The following EXOC4 variants were observed in gnomAD, a reference collection of about 807,000 sequenced individuals.
EXOC4 encodes the protein exocyst complex component 4, also known as SEC8-like 1.
Under a neutral mutation model 107.2 loss-of-function variants are expected in EXOC4, and 71 were observed. The observed-to-expected ratio is 0.66, with a 90% CI of 0.55 to 0.81. The LOEUF (loss-of-function observed/expected upper bound fraction) is 0.81. Among genes scored for constraint, EXOC4 ranks in the 30% least tolerant of loss-of-function variants. The probability of loss-of-function intolerance (pLI) is 0.00; values close to 1 mark genes in which losing one functional copy is unlikely to be tolerated. For missense variants in EXOC4, 1,108 were observed against 1,189.6 expected, an observed-to-expected ratio of 0.93 and a Z score of 1.01; for synonymous variants, 456 against 441.2, an observed-to-expected ratio of 1.03 and a Z score of -0.42.
chr7:133,856,837 G>A (rs959430033), intron 11 of EXOC4, among the ~76,000 whole-genome samples: 12 of 151,676 alleles, frequency 7.9e-5, no homozygotes, highest in Non-Finnish European at 1.6e-4. Flanking sequence ...ACTAAAGGCC[G>A]GGTGTGTTAG....
intron 9 of EXOC4, among the ~76,000 whole-genome samples, chr7:133,621,327 G>T (rs368711259): frequency 6.6e-6 from 1 of 151,994 alleles, no homozygotes; most frequent in Non-Finnish European, 1.5e-5. Flanking sequence ...GATTATTGTA[G>T]AATTCATTGT....
intron 5 of EXOC4, among the ~76,000 whole-genome samples, chr7:133,331,078 T>A (rs148959431): frequency 7.7e-4 from 117 of 152,298 alleles, no homozygotes; most frequent in African/African-American, 2.6e-3. Flanking sequence ...TCATTAAATT[T>A]AAGTGCGATC....
chr7:133,517,223 A>T (rs1387331914), intron 9 of EXOC4, among the ~76,000 whole-genome samples: 1 of 152,024 alleles, frequency 6.6e-6, no homozygotes, highest in Admixed American at 6.6e-5. Context: ...GGGAAGGAGG[A>T]TTAGTTATGG....
At chr7:133,983,350 T>C (rs1448789701) in intron 14 of EXOC4, among the ~76,000 whole-genome samples, 1 of 152,128 alleles carries the variant, frequency 6.6e-6, no homozygotes, top group African/African-American at 2.4e-5. Flanking sequence ...TCAACTTAGA[T>C]CCAAATTTAT....
chr7:133,930,606 G>A (rs1800154943), intron 13 of EXOC4: 2 of 151,838 alleles, frequency 1.3e-5, no homozygotes, highest in Non-Finnish European at 2.9e-5. Flanking sequence ...TACAAAACGT[G>A]GAGAAACCCT....
chr7:133,576,472 G>T (rs1420867196), intron 9 of EXOC4: 3 of 1,273,790 alleles, frequency 2.4e-6, no homozygotes, highest in Non-Finnish European at 3.1e-6. Context: ...TTTATAGAGG[G>T]CATCTGTCGG....
intron 17 of EXOC4, 148 bp from the exon 18 acceptor site, chr7:134,064,143 T>A (rs1007775206): frequency 2.2e-6 from 1 of 444,700 alleles, no homozygotes; most frequent in African/African-American, 2.0e-5. Context: ...TCCTGTTCTT[T>A]ATTCTGTTGG....
chr7:133,728,419 G>T (rs1170055780), intron 10 of EXOC4, among the ~76,000 whole-genome samples: 1 of 152,148 alleles, frequency 6.6e-6, no homozygotes, highest in East Asian at 1.9e-4. Flanking sequence ...TTTTATTTCA[G>T]AACTGTAGAT....
At chr7:133,512,962 G>A (rs1008558290) in intron 9 of EXOC4, among the ~76,000 whole-genome samples, 8 of 152,002 alleles carry the variant, frequency 5.3e-5, no homozygotes, top group African/African-American at 1.2e-4. Context: ...AAAACTAGCC[G>A]GGCCTGGTGG....
In EXOC4 at chr7:133,662,714, A is replaced by G. The variant is rs13237330; in HGVS notation, c.1514+32573A>G. On this transcript the variant is annotated intron_variant, in intron 10 of 17. Transcript: ENST00000253861. ...TAAAATAAACAAATATGTGTATAAA[A>G]CAAGAAAAAAAAAGTGTGGGATAGT... Among the ~76,000 whole-genome samples the G allele has an allele frequency of 5.9e-5, 9 of 152,256 alleles. No homozygotes were observed. The South Asian group carries it at 8.3e-4, about 14-fold the overall frequency.
chr7:134,036,944 G>A (rs6978383), intron 17 of EXOC4, among the ~76,000 whole-genome samples: 77,523 of 151,968 alleles, frequency 0.51, 20,759 homozygotes, highest in African/African-American at 0.66. Flanking sequence ...AAATGAAACT[G>A]CAAGTAAAAT....
intron 9 of EXOC4, among the ~76,000 whole-genome samples, chr7:133,570,198 T>G (rs1223789753): frequency 1.3e-5 from 2 of 152,208 alleles, no homozygotes; most frequent in African/African-American, 4.8e-5. Context: ...CTCATGCATT[T>G]AGAGCCTCTG....
chr7:133,472,252 G>T (rs938332517), intron 7 of EXOC4, among the ~76,000 whole-genome samples: 2 of 152,164 alleles, frequency 1.3e-5, no homozygotes, highest in African/African-American at 4.8e-5. Flanking sequence ...AGGACTGGAA[G>T]GGAAAGAGAT....
At chr7:133,678,951 G>C (rs1300847181) in intron 10 of EXOC4, among the ~76,000 whole-genome samples, 1 of 152,052 alleles carries the variant, frequency 6.6e-6, no homozygotes, top group Non-Finnish European at 1.5e-5. Flanking sequence ...TCCTCGTCCT[G>C]CCTGGTTAAT....
At chr7:134,011,680 G>A (rs1794766901) in intron 17 of EXOC4, among the ~76,000 whole-genome samples, 1 of 151,818 alleles carries the variant, frequency 6.6e-6, no homozygotes. Context: ...TATGTTCTCT[G>A]TAGGTCCTGG....
chr7:133,741,461 A>C (rs1299672110), intron 10 of EXOC4, among the ~76,000 whole-genome samples: 1 of 152,160 alleles, frequency 6.6e-6, no homozygotes, highest in Non-Finnish European at 1.5e-5. Context: ...TCCTGTCATA[A>C]TTATTGTTCC....
At chr7:133,861,545 GT>G (rs373028879) in intron 11 of EXOC4, among the ~76,000 whole-genome samples, 5,469 of 152,036 alleles carry the variant, frequency 0.036, 343 homozygotes, top group African/African-American at 0.12. Context: ...GTTTTGTTTT[GT>G]TTTTTTGTGA....
rs555932937 is a variant in EXOC4, at chr7:133,400,021, T to A, written c.1182+25019T>A. On this transcript the variant is annotated intron_variant, in intron 7 of 17. Transcript: ENST00000253861. The stretch of plus-strand genomic sequence containing the variant: ...ACACTTACTGAATACCATCTATGTG[T>A]TAGGCACAATGCTCAGCACTTTTAT... Among the ~76,000 whole-genome samples, 11 of 152,358 alleles carry A rather than the reference T, an allele frequency of 7.2e-5. No individual in the cohort carries two copies. In the East Asian group the frequency reaches 2.1e-3, roughly 29 times the overall value.
At chr7:133,415,102 T>C (rs1219095883) in intron 7 of EXOC4, among the ~76,000 whole-genome samples, 1 of 152,194 alleles carries the variant, frequency 6.6e-6, no homozygotes, top group Admixed American at 6.6e-5. Flanking sequence ...TGTTGTAGCA[T>C]GTATCAGTAC....
Sources: gnomAD v4.1 joint callset for allele counts (sites outside exome capture counted in the v4.1 genomes callset) on GRCh38, gnomAD v4.1.1 for gene constraint, MANE v1.5 for transcripts, NCBI Gene and HGNC (gene_info 2026-07-23, HGNC 2026-07-21) for gene names.